LRFN5: variants seen among roughly 807,000 people sequenced by gnomAD.
The protein encoded by LRFN5 is leucine-rich repeat and fibronectin type-III domain-containing protein 5.
LRFN5 carries 24 observed loss-of-function variants against 45.6 expected under a neutral mutation model. That is an observed-to-expected ratio of 0.53 (90% CI 0.38 to 0.74). LRFN5 has a LOEUF of 0.74. Among genes scored for constraint, LRFN5 ranks in the 30% least tolerant of loss-of-function variants. LRFN5 has a pLI of 0.00. For synonymous variants in LRFN5, 340 were observed against 313.8 expected (o/e 1.08, Z -0.88); for missense variants, 776 against 861.5 (o/e 0.90, Z 1.24).
At chr14:41,902,167 G>A (rs966878251) in intron 5 of LRFN5, among the ~76,000 whole-genome samples, 53 of 151,854 alleles carry the variant, frequency 3.5e-4, no homozygotes, top group African/African-American at 1.3e-3. Flanking sequence ...CAGGGAGCTT[G>A]CATTTCTTAT....
intron 2 of LRFN5, among the ~76,000 whole-genome samples, chr14:41,787,244 A>T (rs185663420): frequency 1.3e-5 from 2 of 152,090 alleles, no homozygotes; most frequent in Non-Finnish European, 2.9e-5. Context: ...GGTGACCCCA[A>T]TGCAGATCTT....
intron 1 of LRFN5, among the ~76,000 whole-genome samples, chr14:41,615,688 G>A (rs922383080): frequency 1.3e-5 from 2 of 152,024 alleles, no homozygotes; most frequent in Admixed American, 1.3e-4. Context: ...TCTCCAGCCG[G>A]CACTCATTTT....
intron 1 of LRFN5, among the ~76,000 whole-genome samples, chr14:41,627,633 A>T (rs918030382): frequency 3.9e-5 from 6 of 152,168 alleles, no homozygotes; most frequent in Non-Finnish European, 5.9e-5. Flanking sequence ...TATGTTTGTT[A>T]TCCAAAAGTA....
chr14:41,734,495 C>T (rs1309511397), intron 1 of LRFN5, among the ~76,000 whole-genome samples: 4 of 150,198 alleles, frequency 2.7e-5, no homozygotes, highest in African/African-American at 9.8e-5. Context: ...TCTTTTGTTT[C>T]CATTTGCATG....
At chr14:41,756,399 C>T (rs1367415599) in intron 1 of LRFN5, among the ~76,000 whole-genome samples, 2 of 152,258 alleles carry the variant, frequency 1.3e-5, no homozygotes, top group South Asian at 2.1e-4. Flanking sequence ...TTTTTAGGTA[C>T]ACCATTCAGA....
At chr14:41,649,410 A>T (rs1397760937) in intron 1 of LRFN5, among the ~76,000 whole-genome samples, 1 of 152,178 alleles carries the variant, frequency 6.6e-6, no homozygotes, top group Non-Finnish European at 1.5e-5. Context: ...GATCAAAATA[A>T]ATACTCAAAT....
intron 1 of LRFN5, among the ~76,000 whole-genome samples, chr14:41,634,945 A>G (rs1025584246): frequency 1.3e-5 from 2 of 152,094 alleles, no homozygotes; most frequent in South Asian, 2.1e-4. Flanking sequence ...TTAATTATGT[A>G]ATGAAACATA....
intron 1 of LRFN5, among the ~76,000 whole-genome samples, chr14:41,696,536 T>G (rs1329833042): frequency 6.6e-6 from 1 of 152,020 alleles, no homozygotes; most frequent in Non-Finnish European, 1.5e-5. Flanking sequence ...TCCCTGATCA[T>G]TCTGCAGACA....
intron 1 of LRFN5, among the ~76,000 whole-genome samples, chr14:41,619,581 A>G (rs1210746073): frequency 6.6e-6 from 1 of 151,796 alleles, no homozygotes; most frequent in Non-Finnish European, 1.5e-5. Flanking sequence ...TTTTATTTAT[A>G]TTTTCTTTAG....
intron 1 of LRFN5, among the ~76,000 whole-genome samples, chr14:41,621,025 A>G (rs1888116146): frequency 6.6e-6 from 1 of 152,078 alleles, no homozygotes; most frequent in South Asian, 2.1e-4. Context: ...AAATTTACTT[A>G]TATGTACCAA....
chr14:41,833,259 G>T (rs1030786033), intron 2 of LRFN5, among the ~76,000 whole-genome samples: 11 of 152,108 alleles, frequency 7.2e-5, no homozygotes, highest in Admixed American at 2.6e-4. Context: ...TTAGCGATCC[G>T]CAGGAAAAGT....
At chr14:41,719,045 A>T (rs1431869391) in intron 1 of LRFN5, among the ~76,000 whole-genome samples, 1 of 152,170 alleles carries the variant, frequency 6.6e-6, no homozygotes, top group African/African-American at 2.4e-5. Context: ...GTACCAGAAA[A>T]GAAAAATCTG....
At chr14:41,638,397 G>C (rs540396446) in intron 1 of LRFN5, among the ~76,000 whole-genome samples, 66 of 152,228 alleles carry the variant, frequency 4.3e-4, no homozygotes, top group Admixed American at 1.4e-3. Context: ...AGGGGCAGCT[G>C]TGTGTCCCAA....
chr14:41,846,662 T>C (rs1455571408), intron 2 of LRFN5, among the ~76,000 whole-genome samples: 1 of 152,212 alleles, frequency 6.6e-6, no homozygotes, highest in Non-Finnish European at 1.5e-5. Flanking sequence ...TATATGTATG[T>C]TTCTGTAGCA....
chr14:41,653,896 G>C (rs1880250303), intron 1 of LRFN5, among the ~76,000 whole-genome samples: 1 of 152,066 alleles, frequency 6.6e-6, no homozygotes, highest in Non-Finnish European at 1.5e-5. Flanking sequence ...TGTTGTGTAA[G>C]GGGAAAGAAG....
intron 2 of LRFN5, among the ~76,000 whole-genome samples, chr14:41,850,794 C>T (rs1233963570): frequency 1.3e-5 from 2 of 151,402 alleles, no homozygotes; most frequent in African/African-American, 4.9e-5. Context: ...CTGTCTTACA[C>T]AGCACCCCCT....
rs148372354 is a variant in LRFN5 at position 41,899,135 on chromosome 14, A to C, written c.2142+175A>C. On this transcript the variant is annotated intron_variant, in intron 5 of 5. Transcript: ENST00000298119. Reference sequence around the variant, plus strand: ...AAGTTTAGTTTGATTAAGTGAATTCACAGTTTCTAAATTTAGAGATATTTG... The same window carrying C: ...AAGTTTAGTTTGATTAAGTGAATTCCCAGTTTCTAAATTTAGAGATATTTG... Among the ~76,000 whole-genome samples, 5 of 152,256 alleles carry C rather than the reference A, an allele frequency of 3.3e-5. No homozygotes were observed. In the East Asian group the frequency reaches 9.6e-4, roughly 29 times the overall value.
intron 1 of LRFN5, among the ~76,000 whole-genome samples, chr14:41,649,388 A>G (rs1043710993): frequency 6.6e-6 from 1 of 152,180 alleles, no homozygotes; most frequent in Non-Finnish European, 1.5e-5. Flanking sequence ...GAGTAAATAT[A>G]TTACCACTGT....
intron 1 of LRFN5, among the ~76,000 whole-genome samples, chr14:41,752,173 A>T (rs1885163208): frequency 6.6e-6 from 1 of 152,196 alleles, no homozygotes; most frequent in Non-Finnish European, 1.5e-5. Context: ...ATTTATGGAC[A>T]TTTGGGTTGG....
Sources: allele counts gnomAD v4.1 joint callset (sites outside exome capture counted in the v4.1 genomes callset), GRCh38; gene constraint gnomAD v4.1.1; transcripts MANE v1.5; gene names NCBI Gene and HGNC (gene_info 2026-07-23, HGNC 2026-07-21).